Variants in FBXO41 observed in about 807,000 individuals in gnomAD.
The protein encoded by FBXO41 is F-box protein 41, also known as F-box only protein 41.
Under a neutral mutation model 81.6 loss-of-function variants are expected in FBXO41, and 33 were observed. The observed-to-expected ratio is 0.40, with a 90% CI of 0.31 to 0.54. The LOEUF (loss-of-function observed/expected upper bound fraction) is 0.54, where lower values mean the gene tolerates loss of function less well. FBXO41 is among the 20% of genes least tolerant of loss of function. The pLI, the probability that FBXO41 is intolerant of heterozygous loss-of-function variation, is 0.39. For missense variants in FBXO41, 1,107 were observed against 1,236.0 expected, an observed-to-expected ratio of 0.90 and a Z score of 1.56; for synonymous variants, 576 against 552.7, an observed-to-expected ratio of 1.04 and a Z score of -0.59.
At position 73,261,000 on chromosome 2, in the gene FBXO41, C is replaced by T; in HGVS notation, c.2172-142G>A. 1.6e-6 allele frequency: 1 copy of T among 636,458 alleles called. No homozygotes were observed. The highest frequency in any genetic ancestry group is 2.7e-6 in the Non-Finnish European group (1 of 367,010). The allele number at this position is 636,458 out of a possible 1,614,324, so 39.4% of individuals were successfully genotyped here. A position where few individuals can be genotyped will look rare whatever the true frequency, so the allele number is the denominator to read the frequency against. ...GGTCAAGTCAGAGAACCAGGATCAT[C>T]CCTGACTCCTCTGCCCTCATCTCAT... On this transcript the variant is annotated intron_variant, in intron 9 of 12. Coordinates refer to ENST00000520530, the MANE Select transcript of FBXO41 (RefSeq NM_001371389.2). This position sits in a 1 kb window ranked among gnomAD's most constrained non-coding sequence, Gnocchi z 5.0.
intron 1 of FBXO41, chr2:73,271,110 C>T: frequency 2.8e-6 from 1 of 362,498 alleles, no homozygotes; most frequent in Non-Finnish European, 5.5e-6. Flanking sequence ...GGAAGGCAGT[C>T]AGCTTCCCTC....
intron 1 of FBXO41, among the ~76,000 whole-genome samples, chr2:73,280,855 T>C (rs1280908184): frequency 1.3e-5 from 2 of 152,230 alleles, no homozygotes; most frequent in Non-Finnish European, 2.9e-5. Context: ...ACACAGTAGA[T>C]ATCAGTATGT....
chr2:73,283,737 A>G (rs1447887464), intron 1 of FBXO41, among the ~76,000 whole-genome samples: 1 of 151,914 alleles, frequency 6.6e-6, no homozygotes. Flanking sequence ...ACGCACAGAC[A>G]CCCGCACAGG....
chr2:73,266,691 A>C lies in FBXO41; in HGVS notation c.906-9T>G. 6.4e-7 allele frequency: 1 copy of C among 1,561,494 alleles called. No homozygotes were observed. Among genetic ancestry groups the C allele is most frequent in the Non-Finnish European group, 8.7e-7 (1 of 1,152,784 alleles). On this transcript the variant is annotated splice_polypyrimidine_tract_variant and intron_variant, in intron 2 of 12. Transcript: ENST00000520530. This position sits in a 1 kb window ranked among gnomAD's most constrained non-coding sequence, Gnocchi z 5.3. ...CGATCTGCACCACCTCCCTGGGCCC[A>C]GAGCAGTCTCTTACCCCAGAGCCTC...
In FBXO41 at chr2:73,269,635, C is replaced by T. The variant is rs1688424247; in HGVS notation, c.-5G>A. 8.4e-7 allele frequency: 1 copy of T among 1,194,398 alleles called. No individual in the cohort carries two copies. The allele number at this position is 1,194,398 out of a possible 1,614,324, so 74.0% of individuals were successfully genotyped here. A position where few individuals can be genotyped will look rare whatever the true frequency, so the allele number is the denominator to read the frequency against. ...CGGCAGGTCCAGCGAGGCCATGGCCCCGCCGCCCCCGCGGCACGCGGGCTC... is the reference window on the plus strand; with the variant it reads ...CGGCAGGTCCAGCGAGGCCATGGCCTCGCCGCCCCCGCGGCACGCGGGCTC... On this transcript the variant is annotated 5_prime_UTR_variant, in exon 2 of 13. Transcript: ENST00000520530. The surrounding 1 kb of genome is among the most constrained non-coding windows in gnomAD (Gnocchi z 7.0).
rs1454455373 is a variant in FBXO41 at position 73,265,306 on chromosome 2, G to A, written c.1540C>T (p.Pro514Ser). 3 of 1,608,880 alleles carry A rather than the reference G, an allele frequency of 1.9e-6. No homozygotes were observed. The highest frequency in any genetic ancestry group is 1.7e-6 in the Non-Finnish European group (2 of 1,178,936). The change falls in exon 5 of 13, where the codon CCA becomes TCA. Residue 514 changes from proline (P) to serine (S), a missense_variant. Around this residue, in one of 2 missense-constraint regions of FBXO41, gnomAD observed 771 missense variants for 789.2 expected, o/e 0.98. Transcript: ENST00000520530. ...APRPGPAMAG[P>S]LSSCRLSARP... is the part of the protein sequence containing the mutation. The stretch of plus-strand genomic sequence containing the variant: ...CCTGAGAGCCGGCAGCTGCTCAATG[G>A]CCCAGCCATAGCAGGCCCGGGGCGG...
At chr2:73,272,638 T>C (rs1688574209) in intron 1 of FBXO41, among the ~76,000 whole-genome samples, 1 of 152,208 alleles carries the variant, frequency 6.6e-6, no homozygotes, top group East Asian at 1.9e-4. Context: ...GGAGTTTGCT[T>C]TGCCCTGTGG....
At chr2:73,264,101 G>A in intron 6 of FBXO41, 48 bp from the exon 7 acceptor site, 2 of 1,559,008 alleles carry the variant, frequency 1.3e-6, no homozygotes, top group Non-Finnish European at 8.7e-7. Flanking sequence ...TCTGAACTTG[G>A]TTGGCTGGAG....
Position 73,263,158 on chromosome 2 carries a change from C to A in FBXO41, c.2171+55G>T, listed in dbSNP as rs1688079767. On this transcript the variant is annotated intron_variant, in intron 9 of 12. Coordinates refer to ENST00000520530, the MANE Select transcript of FBXO41 (RefSeq NM_001371389.2). ...CTCAGATCTGCTAAGTCCTCAGCCC[C>A]AGACCAGGCCCAACCGTGTCCCCCC... The A allele has an allele frequency of 5.6e-6, 8 of 1,441,328 alleles. No individual in the cohort carries two copies. In the South Asian group the frequency reaches 9.9e-5, roughly 18 times the overall value. The allele number at this position is 1,441,328 out of a possible 1,614,324, so 89.3% of individuals were successfully genotyped here. A position where few individuals can be genotyped will look rare whatever the true frequency, so the allele number is the denominator to read the frequency against.
chr2:73,279,276 G>A (rs750149979), intron 1 of FBXO41, among the ~76,000 whole-genome samples: 2 of 152,202 alleles, frequency 1.3e-5, no homozygotes, highest in Non-Finnish European at 2.9e-5. Flanking sequence ...TTTGAAGGGA[G>A]ATAATTTTGG....
At chr2:73,271,064 C>T (rs1558589533) in intron 1 of FBXO41, 2 of 400,424 alleles carry the variant, frequency 5.0e-6, no homozygotes, top group South Asian at 1.9e-5. Context: ...TCCCTGAGGT[C>T]TGCCTCTGGA....
intron 1 of FBXO41, among the ~76,000 whole-genome samples, chr2:73,275,155 C>G (rs1688650365): frequency 6.6e-6 from 1 of 152,110 alleles, no homozygotes; most frequent in African/African-American, 2.4e-5. Context: ...TCCCAAAGTG[C>G]TGGGATTACA....
Position 73,269,238 on chromosome 2 carries a change from C to A in FBXO41, c.393G>T (p.Glu131Asp), listed in dbSNP as rs1330108565. Residue 131 changes from glutamate to aspartate, a missense_variant, in exon 2 of 13, where the codon GAG becomes GAT. Physicochemically the swap from Glu to Asp is conservative, Grantham distance 45 (BLOSUM62 2). Transcript: ENST00000520530. This position sits in a 1 kb window ranked among gnomAD's most constrained non-coding sequence, Gnocchi z 7.0. ...DLVPASLPCE[E>D]LAEPGLVPAA... is the part of the protein sequence containing the mutation. Reference sequence around the variant, plus strand: ...CGGGCACAAGGCCCGGCTCGGCCAACTCCTCACAGGGCAGGCTAGCGGGCA... The same window carrying A: ...CGGGCACAAGGCCCGGCTCGGCCAAATCCTCACAGGGCAGGCTAGCGGGCA... 2 of 1,529,000 alleles carry A rather than the reference C, an allele frequency of 1.3e-6. No homozygotes were observed. Among genetic ancestry groups the A allele is most frequent in the East Asian group, 5.2e-5 (2 of 38,412 alleles). The allele number at this position is 1,529,000 out of a possible 1,614,324, so 94.7% of individuals were successfully genotyped here.
In FBXO41 at chr2:73,271,734, G is replaced by A. The variant is rs866169020; in HGVS notation, c.-138-1966C>T. Among the ~76,000 whole-genome samples, 11 of 150,902 alleles carry A rather than the reference G, an allele frequency of 7.3e-5. 1 individual carries two copies. The highest frequency in any genetic ancestry group is 2.0e-4 in the Admixed American group (3 of 15,082). On this transcript the variant is annotated intron_variant, in intron 1 of 12. Transcript: ENST00000520530. ...CAACCTCCCCCTCTGAAGTTCAAGC[G>A]ATTCTCCTGCCTCAGCCTCCCGAGT...
In FBXO41 at chr2:73,265,582, G is replaced by T; in HGVS notation, c.1264C>A (p.Leu422Met). The T allele has an allele frequency of 6.5e-7, 1 of 1,547,232 alleles. No homozygotes were observed. Residue 422 changes from leucine (L) to methionine (M), a missense_variant, in exon 5 of 13, where the codon CTG (leucine) becomes ATG (methionine). Coordinates refer to ENST00000520530, the MANE Select transcript of FBXO41 (RefSeq NM_001371389.2). ...QSSGCYDSDSLELPRPEEGAP... is the reference protein window; with the variant it reads ...QSSGCYDSDSMELPRPEEGAP... The stretch of plus-strand genomic sequence containing the variant: ...CCCTCCTCTGGCCTGGGCAGCTCCA[G>T]ACTGTCACTGTCATAGCAGCCTGAG...
intron 5 of FBXO41, 43 bp downstream of exon 5, chr2:73,265,239 T>G (rs1467149477): frequency 6.6e-7 from 1 of 1,520,084 alleles, no homozygotes; most frequent in African/African-American, 1.4e-5. Context: ...GGAGATTCAC[T>G]GCCTCAGACC....
Position 73,258,897 on chromosome 2 carries a change from T to G in FBXO41, c.*85A>C, listed in dbSNP as rs879415931. ...AGGGATAACACTCGGCCTCCAAAGG[T>G]CTAGTCCAAACCAGGGTCCCTCTGA... is the stretch of plus-strand genomic sequence containing the variant. On this transcript the variant is annotated 3_prime_UTR_variant, in exon 13 of 13. Coordinates refer to ENST00000520530, the MANE Select transcript of FBXO41 (RefSeq NM_001371389.2). 66 of 1,397,224 alleles carry G rather than the reference T, an allele frequency of 4.7e-5. No homozygotes were observed. Among genetic ancestry groups the G allele is most frequent in the Admixed American group, 3.6e-4 (14 of 38,892 alleles). The allele number at this position is 1,397,224 out of a possible 1,614,324, so 86.6% of individuals were successfully genotyped here.
Position 73,260,519 on chromosome 2 carries a change from C to T in FBXO41, c.2319G>A (p.Leu773=), listed in dbSNP as rs1217544912. 6.3e-7 allele frequency: 1 copy of T among 1,598,594 alleles called. No individual in the cohort carries two copies. The stretch of plus-strand genomic sequence containing the variant: ...TGATCTCTGACACGTGGTCAAGCTC[C>T]AGGACCTGCAGCCGCATGCAGTTTC... ...LARNCMRLQV[L]ELDHVSEITQ... is the part of the protein sequence containing the mutation. Residue 773 remains leucine (L), a synonymous_variant, in exon 11 of 13, where the codon CTG becomes CTA. Transcript: ENST00000520530. This position sits in a 1 kb window ranked among gnomAD's most constrained non-coding sequence, Gnocchi z 5.0.
intron 1 of FBXO41, among the ~76,000 whole-genome samples, chr2:73,282,627 C>G (rs546590986): frequency 6.6e-6 from 1 of 152,084 alleles, no homozygotes; most frequent in Admixed American, 6.6e-5. Flanking sequence ...TGCTTGGGCC[C>G]GGAAGGTCAA....
Sources: gnomAD v4.1 joint callset for allele counts (sites outside exome capture counted in the v4.1 genomes callset) on GRCh38, gnomAD v4.1.1 for gene constraint, gnomAD v4.1.1 regional missense constraint, Gnocchi (gnomAD v3.1) non-coding constraint, MANE v1.5 for transcripts, NCBI Gene and HGNC (gene_info 2026-07-23, HGNC 2026-07-21) for gene names.